MAN2B2: variants seen among roughly 807,000 people sequenced by gnomAD.
MAN2B2 encodes epididymis-specific alpha-mannosidase.
A neutral mutation model predicts 117.1 loss-of-function variants in MAN2B2; 106 were observed. The observed-to-expected ratio is 0.90, with a 90% confidence interval of 0.77 to 1.06. The LOEUF (loss-of-function observed/expected upper bound fraction) is 1.06, where lower values mean the gene tolerates loss of function less well. Ranked by LOEUF, MAN2B2 falls within the 50% of genes least tolerant of loss-of-function variation. MAN2B2 has a pLI of 0.00. For synonymous variants in MAN2B2, 544 were observed against 595.1 expected (o/e 0.91, Z 1.25); for missense variants, 1,326 against 1,381.4 (o/e 0.96, Z 0.64).
intron 11 of MAN2B2, among the ~76,000 whole-genome samples, chr4:6,605,558 A>C (rs1433051108): frequency 6.6e-6 from 1 of 152,210 alleles, no homozygotes. Context: ...ATAGAAAAAA[A>C]TGAGCACTGA....
At position 6,591,107 on chromosome 4, in the gene MAN2B2, C is replaced by T. The variant is rs191768797; in HGVS notation, c.680+1947C>T. Among the ~76,000 whole-genome samples, 34 of 152,118 alleles carry T rather than the reference C, an allele frequency of 2.2e-4. No individual in the cohort carries two copies. In the East Asian group the frequency reaches 5.4e-3, roughly 24 times the overall value. On this transcript the variant is annotated intron_variant, in intron 5 of 18. Transcript: ENST00000285599. ...AGGTTGCAGTAAGCCAAGATCATGA[C>T]TGCACTCCAGCCTGGGTGACAGAAT...
At chr4:6,586,011 T>C (rs1040963247) in intron 3 of MAN2B2, among the ~76,000 whole-genome samples, 3 of 152,056 alleles carry the variant, frequency 2.0e-5, no homozygotes, top group African/African-American at 7.2e-5. Flanking sequence ...AAGCCTCACC[T>C]GTTGAAGACG....
rs1412368441 is a variant in MAN2B2, at chr4:6,588,418, C to A, written c.565-627C>A. Reference sequence around the variant, plus strand: ...TAATGACCTCATTTTAACTTGATTACTTCTGTAAAGACCCCATTTCCAGTG... The same window carrying A: ...TAATGACCTCATTTTAACTTGATTAATTCTGTAAAGACCCCATTTCCAGTG... On this transcript the variant is annotated intron_variant, in intron 4 of 18. Transcript: ENST00000285599. Among the ~76,000 whole-genome samples, 4 of 152,330 alleles carry A rather than the reference C, an allele frequency of 2.6e-5. No homozygotes were observed. The East Asian group carries it at 7.7e-4, about 29-fold the overall frequency.
intron 16 of MAN2B2, among the ~76,000 whole-genome samples, chr4:6,616,052 C>T (rs185178261): frequency 1.3e-5 from 2 of 152,296 alleles, no homozygotes; most frequent in East Asian, 3.9e-4. Context: ...AATCCGCCCT[C>T]CTTGGCCTCC....
At chr4:6,615,493 C>T (rs1711819574) in intron 16 of MAN2B2, among the ~76,000 whole-genome samples, 2 of 151,980 alleles carry the variant, frequency 1.3e-5, no homozygotes, top group African/African-American at 4.8e-5. Flanking sequence ...CCCCATAGCC[C>T]CATGATAGCT....
rs1726830103 is a variant in MAN2B2, at chr4:6,590,850, TGAA to T, written c.680+1695_680+1697del. ...TCCTTGTCCCTATCAGGGATCACAA[TGAA>T]GAAGGCCGGAGGAGGCCAGGCGCAG... On this transcript the variant is annotated intron_variant, in intron 5 of 18. Transcript: ENST00000285599. Among the ~76,000 whole-genome samples the T allele has an allele frequency of 1.4e-5, 2 of 142,974 alleles. 1 individual carries two copies. The highest frequency in any genetic ancestry group is 5.1e-4 in the South Asian group (2 of 3,954). 93.8% of individuals were successfully genotyped at this position (142,974 alleles called of 152,430 possible). A position where few individuals can be genotyped will look rare whatever the true frequency, so the allele number is the denominator to read the frequency against.
rs1553913909 is a variant in MAN2B2 at position 6,610,123 on chromosome 4, G to GCAGTTGAGGC, written c.2259+77_2259+78insTGAGGCCAGT. On this transcript the variant is annotated intron_variant, in intron 13 of 18. Transcript: ENST00000285599. ...TGGACCCATTAAGCATCAAATTGCA[G>GCAGTTGAGGC]CAGTAGAGGCCAGTAGAGGCCTCCA... is the stretch of plus-strand genomic sequence containing the variant. 3 of 1,586,242 alleles carry GCAGTTGAGGC rather than the reference G, an allele frequency of 1.9e-6. No homozygotes were observed. The African/African-American group carries it at 4.1e-5, about 21-fold the overall frequency.
Position 6,594,463 on chromosome 4 carries a change from C to T in MAN2B2, c.859-71C>T, listed in dbSNP as rs905556111. 4.0e-6 allele frequency: 6 copies of T among 1,485,608 alleles called. No individual in the cohort carries two copies. The South Asian group carries it at 4.6e-5, about 11-fold the overall frequency. 92.0% of individuals were successfully genotyped at this position (1,485,608 alleles called of 1,614,324 possible). On this transcript the variant is annotated intron_variant, in intron 6 of 18. Coordinates refer to ENST00000285599, the MANE Select transcript of MAN2B2 (RefSeq NM_015274.3). ...TGGGAGGGCAGCTGGTGGAGGGCAG[C>T]GATCGGCCCACCCCCACTGGGCGAG...
chr4:6,583,152 G>T (rs1726501284), intron 3 of MAN2B2, among the ~76,000 whole-genome samples: 1 of 152,166 alleles, frequency 6.6e-6, no homozygotes, highest in Non-Finnish European at 1.5e-5. Flanking sequence ...GCAGCTAGGG[G>T]ATAGGGAATG....
At chr4:6,604,943 C>T (rs1428771054) in intron 10 of MAN2B2, 112 bp from the exon 11 acceptor site, 21 of 1,287,698 alleles carry the variant, frequency 1.6e-5, no homozygotes, top group South Asian at 1.3e-4. Context: ...GAGGAGAAAT[C>T]GGCAGGATCC....
At chr4:6,596,416 C>G (rs1230117278) in intron 7 of MAN2B2, among the ~76,000 whole-genome samples, 2 of 152,140 alleles carry the variant, frequency 1.3e-5, no homozygotes, top group African/African-American at 4.8e-5. Flanking sequence ...GGAATCAAGG[C>G]AAATCTGGGC....
chr4:6,589,243 T>G, intron 5 of MAN2B2, 83 bp downstream of exon 5: 2 of 1,111,508 alleles, frequency 1.8e-6, no homozygotes, highest in Non-Finnish European at 2.7e-6. Context: ...GTTTTGTTTT[T>G]GTTTATTGGT....
At chr4:6,583,201 C>T (rs759402197) in intron 3 of MAN2B2, among the ~76,000 whole-genome samples, 6 of 152,212 alleles carry the variant, frequency 3.9e-5, no homozygotes, top group African/African-American at 7.2e-5. Context: ...AAAAGGCGAC[C>T]TAGAACCTGC....
intron 16 of MAN2B2, among the ~76,000 whole-genome samples, chr4:6,615,894 C>G (rs1290031608): frequency 1.3e-5 from 2 of 151,976 alleles, no homozygotes; most frequent in African/African-American, 4.8e-5. Context: ...ACCTCCACCA[C>G]CCAGGTTCAA....
At chr4:6,597,386 C>A in intron 8 of MAN2B2, 83 bp downstream of exon 8, 2 of 1,392,418 alleles carry the variant, frequency 1.4e-6, no homozygotes, top group Non-Finnish European at 1.9e-6. Flanking sequence ...CCAATCCTTC[C>A]AGCCCTGGGG....
chr4:6,617,598 A>C, intron 17 of MAN2B2, 106 bp downstream of exon 17: 1 of 1,545,192 alleles, frequency 6.5e-7, no homozygotes, highest in Non-Finnish European at 8.7e-7. Context: ...TTCCTCCCAA[A>C]TGGACGCTGG....
intron 3 of MAN2B2, among the ~76,000 whole-genome samples, chr4:6,584,994 G>A (rs1726577639): frequency 6.6e-6 from 1 of 152,142 alleles, no homozygotes; most frequent in Admixed American, 6.5e-5. Flanking sequence ...TCTCAGTGCG[G>A]TGCTGTTGCC....
chr4:6,583,254 A>G (rs1366365881), intron 3 of MAN2B2, among the ~76,000 whole-genome samples: 1 of 152,142 alleles, frequency 6.6e-6, no homozygotes, highest in Non-Finnish European at 1.5e-5. Context: ...ACTTAATCAT[A>G]TGGCCTCCCT....
intron 7 of MAN2B2, among the ~76,000 whole-genome samples, chr4:6,596,890 A>G (rs1727112284): frequency 1.3e-5 from 2 of 152,038 alleles, no homozygotes; most frequent in African/African-American, 2.4e-5. Flanking sequence ...ACCCTGCCCA[A>G]GGCCCATCCA....
Sources: allele counts gnomAD v4.1 joint callset (sites outside exome capture counted in the v4.1 genomes callset), GRCh38; gene constraint gnomAD v4.1.1; transcripts MANE v1.5; gene names NCBI Gene and HGNC (gene_info 2026-07-23, HGNC 2026-07-21).